The following CMTM2 variants were observed in gnomAD, a reference collection of about 807,000 sequenced individuals.
CMTM2 encodes CKLF-like MARVEL transmembrane domain-containing protein 2.
CMTM2 carries 15 observed loss-of-function variants against 16.8 expected under a neutral mutation model. That is an observed-to-expected ratio of 0.89 (90% CI 0.60 to 1.37). The LOEUF (loss-of-function observed/expected upper bound fraction) is 1.37. CMTM2 is among the 40% of genes most tolerant of loss of function. The probability of loss-of-function intolerance (pLI) is 0.00; values close to 1 mark genes in which losing one functional copy is unlikely to be tolerated. For synonymous variants in CMTM2, 117 were observed against 118.7 expected (o/e 0.99, Z 0.09); for missense variants, 282 against 318.0 (o/e 0.89, Z 0.86).
intron 3 of CMTM2, among the ~76,000 whole-genome samples, 157 bp from the exon 4 acceptor site, chr16:66,587,762 G>T (rs1015920528): frequency 6.6e-6 from 1 of 152,194 alleles, no homozygotes; most frequent in African/African-American, 2.4e-5. Context: ...AAAGGCTGAG[G>T]GAGTAGGCAC....
intron 2 of CMTM2, among the ~76,000 whole-genome samples, chr16:66,581,745 G>A (rs1432224220): frequency 6.6e-6 from 1 of 152,212 alleles, no homozygotes; most frequent in Non-Finnish European, 1.5e-5. Context: ...CTTTGAGTGG[G>A]CGGAGAGGAA....
intron 2 of CMTM2, 92 bp from the exon 3 acceptor site, chr16:66,586,905 A>T: frequency 1.1e-6 from 1 of 881,114 alleles, no homozygotes. Flanking sequence ...GAAATTTGCA[A>T]ATCATTCCTT....
At position 66,579,806 on chromosome 16, in the gene CMTM2, G is replaced by A. The variant is rs1192055824; in HGVS notation, c.199G>A (p.Gly67Arg). ...CAAGCACGAAGTGGGCACGAGGAGG[G>A]GGTGTCGCCGCTACCGGTGGGAATT... Reference protein sequence around the residue: ...QPKHEVGTRRGCRRYRWELKD... With the variant: ...QPKHEVGTRRRCRRYRWELKD... Residue 67 changes from glycine (G) to arginine (R), a missense_variant, in exon 1 of 4, where the codon GGG becomes AGG. Gly to Arg is a moderately radical substitution (Grantham distance 125). Coordinates refer to ENST00000268595, the MANE Select transcript of CMTM2 (RefSeq NM_144673.3). This position sits in a 1 kb window ranked among gnomAD's most constrained non-coding sequence, Gnocchi z 6.5. The A allele has an allele frequency of 7.4e-6, 12 of 1,613,730 alleles. No individual in the cohort carries two copies. The highest frequency in any genetic ancestry group is 1.3e-5 in the African/African-American group (1 of 74,744).
rs1404094808 is a variant in CMTM2 at position 66,584,465 on chromosome 16, T to C, written c.445-2532T>C. ...AAAACGTAGTGAGAAGACAGCCATC[T>C]GCAAGCCAGGAAGAGAGCCCTCACC... is the stretch of plus-strand genomic sequence containing the variant. On this transcript the variant is annotated intron_variant, in intron 2 of 3. Transcript: ENST00000268595. Among the ~76,000 whole-genome samples the C allele has an allele frequency of 3.3e-5, 5 of 152,338 alleles. No homozygotes were observed. The East Asian group carries it at 9.6e-4, about 29-fold the overall frequency.
chr16:66,579,510 G>C lies in CMTM2; in HGVS notation c.-98G>C, dbSNP rs1472750243. The C allele has an allele frequency of 1.2e-5, 18 of 1,490,418 alleles. No individual in the cohort carries two copies. The East Asian group carries it at 4.1e-4, about 34-fold the overall frequency. 92.3% of individuals were successfully genotyped at this position (1,490,418 alleles called of 1,614,324 possible). On this transcript the variant is annotated 5_prime_UTR_variant, in exon 1 of 4. Coordinates refer to ENST00000268595, the MANE Select transcript of CMTM2 (RefSeq NM_144673.3). This position sits in a 1 kb window ranked among gnomAD's most constrained non-coding sequence, Gnocchi z 6.5. ...CTGAGCACGCCCTCTGAGCCGCTCG[G>C]TGGACACCAGGCACTCTAGTAGGCC...
rs768690571 is a variant in CMTM2, at chr16:66,580,070, G to A, written c.330G>A (p.Val110=). Residue 110 remains valine (V), a synonymous_variant, in exon 2 of 4, where the codon GTG becomes GTA. Transcript: ENST00000268595. ...AAMILLSSLT[V]HPILRLIITM... Reference sequence around the variant, plus strand: ...TGATACTGTTGTCCTCACTCACCGTGCACCCCATCTTGAGGCTTATCATCA... The same window carrying A: ...TGATACTGTTGTCCTCACTCACCGTACACCCCATCTTGAGGCTTATCATCA... The A allele has an allele frequency of 1.9e-6, 3 of 1,614,192 alleles. No homozygotes were observed. Among genetic ancestry groups the A allele is most frequent in the South Asian group, 2.2e-5 (2 of 91,088 alleles).
chr16:66,587,480 C>A (rs1165736494), intron 3 of CMTM2, among the ~76,000 whole-genome samples: 1 of 152,132 alleles, frequency 6.6e-6, no homozygotes, highest in African/African-American at 2.4e-5. Flanking sequence ...TCGCTTAAAT[C>A]CAGGAGGCAG....
intron 2 of CMTM2, chr16:66,580,456 C>T (rs1406542820): frequency 2.2e-6 from 1 of 453,946 alleles, no homozygotes; most frequent in Non-Finnish European, 4.0e-6. Context: ...AGCCTTTGTT[C>T]TCTTTAGGGG....
chr16:66,580,357 AG>A, intron 2 of CMTM2, 173 bp downstream of exon 2: 1 of 654,252 alleles, frequency 1.5e-6, no homozygotes, highest in East Asian at 2.7e-5. Context: ...CAAGAGGGGT[AG>A]CTAGGCAGAA....
intron 2 of CMTM2, among the ~76,000 whole-genome samples, chr16:66,585,798 G>C (rs973767516): frequency 6.6e-6 from 1 of 152,078 alleles, no homozygotes; most frequent in Non-Finnish European, 1.5e-5. Context: ...TTATTTTCTG[G>C]GCATTTGAAA....
In CMTM2 at chr16:66,579,913, T is replaced by C; in HGVS notation, c.285+21T>C. On this transcript the variant is annotated intron_variant, in intron 1 of 3. Transcript: ENST00000268595. This position sits in a 1 kb window ranked among gnomAD's most constrained non-coding sequence, Gnocchi z 6.5. ...GTTTGGTGAGCTAAACTGGTATCCC[T>C]GGGTGGGGGGCCTTGGCCGAGGGTG... 3.2e-6 allele frequency: 3 copies of C among 934,006 alleles called. No individual in the cohort carries two copies. The highest frequency in any genetic ancestry group is 3.6e-5 in the East Asian group (1 of 28,164). The allele number at this position is 934,006 out of a possible 1,614,324, so 57.9% of individuals were successfully genotyped here. A position where few individuals can be genotyped will look rare whatever the true frequency, so the allele number is the denominator to read the frequency against.
chr16:66,581,247 A>G (rs932483564), intron 2 of CMTM2, among the ~76,000 whole-genome samples: 1 of 151,846 alleles, frequency 6.6e-6, no homozygotes, highest in Non-Finnish European at 1.5e-5. Flanking sequence ...AAAAGGGACA[A>G]GCAGAGGACA....
Position 66,587,994 on chromosome 16 carries a change from G to A in CMTM2, c.622G>A (p.Ala208Thr). ...LQRNHFRGKK[A>T]KKHMLVPPPG... ...AAGAAACCACTTCAGAGGCAAGAAG[G>A]CCAAAAAGCATATGCTGGTTCCTCC... Residue 208 changes from alanine to threonine, a missense_variant, in exon 4 of 4, where the codon GCC (alanine) becomes ACC (threonine). Transcript: ENST00000268595. The A allele has an allele frequency of 1.2e-6, 2 of 1,614,108 alleles. No homozygotes were observed. Among genetic ancestry groups the A allele is most frequent in the Non-Finnish European group, 1.7e-6 (2 of 1,180,018 alleles).
chr16:66,582,323 G>C (rs1258376063), intron 2 of CMTM2, among the ~76,000 whole-genome samples: 1 of 152,156 alleles, frequency 6.6e-6, no homozygotes, highest in African/African-American at 2.4e-5. Context: ...TTAACTGAAA[G>C]GTATGGGGAA....
intron 2 of CMTM2, among the ~76,000 whole-genome samples, chr16:66,586,079 G>A (rs1031223863): frequency 1.3e-5 from 2 of 152,254 alleles, no homozygotes; most frequent in East Asian, 1.9e-4. Flanking sequence ...TGGGGAGGGC[G>A]AGACTGAAGT....
chr16:66,582,527 C>T (rs1597190929), intron 2 of CMTM2, among the ~76,000 whole-genome samples: 1 of 152,108 alleles, frequency 6.6e-6, no homozygotes, highest in East Asian at 1.9e-4. Flanking sequence ...ATAGGGAGAC[C>T]CTGTCTCTAC....
intron 2 of CMTM2, among the ~76,000 whole-genome samples, chr16:66,583,698 GAATTAATCTATA>G (rs1195841852): frequency 1.3e-5 from 2 of 152,116 alleles, no homozygotes; most frequent in South Asian, 2.1e-4. Context: ...ATTCAATTCT[GAATTAATCTATA>G]AATTAAATAA....
intron 2 of CMTM2, among the ~76,000 whole-genome samples, chr16:66,583,531 G>A (rs2014758564): frequency 6.6e-6 from 1 of 150,808 alleles, no homozygotes; most frequent in African/African-American, 2.4e-5. Flanking sequence ...ACTTAAAACA[G>A]CAACACAAAC....
Position 66,579,505 on chromosome 16 carries a change from G to T in CMTM2, c.-103G>T, listed in dbSNP as rs567603349. ...GTTAGCTGAGCACGCCCTCTGAGCC[G>T]CTCGGTGGACACCAGGCACTCTAGT... On this transcript the variant is annotated 5_prime_UTR_variant, in exon 1 of 4. Transcript: ENST00000268595. The surrounding 1 kb of genome is among the most constrained non-coding windows in gnomAD (Gnocchi z 6.5). The T allele has an allele frequency of 3.3e-4, 480 of 1,453,350 alleles. 3 individuals are homozygous for T. In the South Asian group the frequency reaches 5.1e-3, roughly 16 times the overall value. 90.0% of individuals were successfully genotyped at this position (1,453,350 alleles called of 1,614,324 possible). A position where few individuals can be genotyped will look rare whatever the true frequency, so the allele number is the denominator to read the frequency against.
Sources: allele counts gnomAD v4.1 joint callset (sites outside exome capture counted in the v4.1 genomes callset), GRCh38; gene constraint gnomAD v4.1.1; non-coding constraint Gnocchi (gnomAD v3.1); transcripts MANE v1.5; gene names NCBI Gene and HGNC (gene_info 2026-07-23, HGNC 2026-07-21).